The following BFSP2 variants were observed in gnomAD, a reference collection of about 807,000 sequenced individuals.
BFSP2 encodes beaded filament structural protein 2, also known as phakinin.
BFSP2 carries 38 observed loss-of-function variants against 44.9 expected under a neutral mutation model. The ratio of observed to expected loss-of-function variants is 0.85; its 90% CI spans 0.65 to 1.11. The LOEUF is 1.11. Among genes scored for constraint, BFSP2 ranks in the 50% least tolerant of loss-of-function variants. The pLI, the probability that BFSP2 is intolerant of heterozygous loss-of-function variation, is 0.00. For synonymous variants in BFSP2, 197 were observed against 209.9 expected (o/e 0.94, Z 0.53); for missense variants, 525 against 533.0 (o/e 0.99, Z 0.15).
At chr3:133,445,941 AGTCCTT>A (rs2073892508) in intron 1 of BFSP2, among the ~76,000 whole-genome samples, 1 of 152,186 alleles carries the variant, frequency 6.6e-6, no homozygotes, top group Admixed American at 6.5e-5. Context: ...AGCCAATATT[AGTCCTT>A]TGATACTTAA....
Position 133,470,905 on chromosome 3 carries a change from G to C in BFSP2, c.1024-1440G>C, listed in dbSNP as rs574525246. On this transcript the variant is annotated intron_variant, in intron 5 of 6. Coordinates refer to ENST00000302334, the MANE Select transcript of BFSP2 (RefSeq NM_003571.4). ...ATGGTAGCGGCAGAGGAGTTTCAAG[G>C]AAGGCTTCCTGGGGCAGGTTACCTC... Among the ~76,000 whole-genome samples, 41 of 152,324 alleles carry C rather than the reference G, an allele frequency of 2.7e-4. No individual in the cohort carries two copies. In the South Asian group the frequency reaches 8.5e-3, roughly 32 times the overall value.
chr3:133,416,754 C>T (rs2073535772), intron 1 of BFSP2, among the ~76,000 whole-genome samples: 1 of 142,680 alleles, frequency 7.0e-6, no homozygotes, highest in Non-Finnish European at 1.5e-5. Context: ...CCTCTACTCA[C>T]CCCTTTACTT....
chr3:133,453,823 A>T (rs1311096424), intron 4 of BFSP2, among the ~76,000 whole-genome samples: 1 of 152,178 alleles, frequency 6.6e-6, no homozygotes, highest in African/African-American at 2.4e-5. Flanking sequence ...AATTCTGTTT[A>T]TTTTTTCAGT....
intron 1 of BFSP2, among the ~76,000 whole-genome samples, chr3:133,439,147 C>T (rs1245566635): frequency 1.3e-5 from 2 of 152,210 alleles, no homozygotes; most frequent in African/African-American, 4.8e-5. Flanking sequence ...CTGACTGTGG[C>T]ATAAGTGTAG....
intron 1 of BFSP2, among the ~76,000 whole-genome samples, chr3:133,443,401 C>T (rs2073864221): frequency 6.6e-6 from 1 of 151,918 alleles, no homozygotes; most frequent in South Asian, 2.1e-4. Flanking sequence ...AAAACTTTAA[C>T]ATTTAGAGGT....
chr3:133,468,094 G>A (rs2074129213), intron 5 of BFSP2, among the ~76,000 whole-genome samples: 1 of 152,182 alleles, frequency 6.6e-6, no homozygotes, highest in Non-Finnish European at 1.5e-5. Flanking sequence ...CTGACTCTTA[G>A]CATTATTTTG....
chr3:133,416,842 T>C (rs1228540464), intron 1 of BFSP2, among the ~76,000 whole-genome samples: 1 of 120,516 alleles, frequency 8.3e-6, no homozygotes, highest in African/African-American at 3.2e-5. Context: ...TACTCAGCCC[T>C]GTTCTCTCCC....
chr3:133,425,858 G>GATAAA (rs1403323518), intron 1 of BFSP2, among the ~76,000 whole-genome samples: 15 of 96,282 alleles, frequency 1.6e-4, no homozygotes, highest in African/African-American at 9.9e-4. Context: ...GGAAAGGAAG[G>GATAAA]GAAGGGAAGG....
At chr3:133,430,471 C>T (rs1368919868) in intron 1 of BFSP2, among the ~76,000 whole-genome samples, 1 of 152,130 alleles carries the variant, frequency 6.6e-6, no homozygotes, top group Non-Finnish European at 1.5e-5. Context: ...GATGGTATCT[C>T]ATTGTGGTTT....
intron 5 of BFSP2, 25 bp downstream of exon 5, chr3:133,466,984 G>A (rs1163524763): frequency 6.2e-7 from 1 of 1,612,292 alleles, no homozygotes; most frequent in Non-Finnish European, 8.5e-7. Context: ...GAAAGACCTG[G>A]TGTCCTTGTG....
At position 133,400,800 on chromosome 3, in the gene BFSP2, A is replaced by C. The variant is rs187037950; in HGVS notation, c.489+228A>C. Among the ~76,000 whole-genome samples the C allele has an allele frequency of 4.6e-5, 7 of 152,376 alleles. No homozygotes were observed. In the East Asian group the frequency reaches 1.3e-3, roughly 29 times the overall value. Reference sequence around the variant, plus strand: ...ACCCACTGTCTTCTTTAAACTTCAAAGAAATGCTATGCAGTGGATCATTCA... The same window carrying C: ...ACCCACTGTCTTCTTTAAACTTCAACGAAATGCTATGCAGTGGATCATTCA... On this transcript the variant is annotated intron_variant, in intron 1 of 6. Transcript: ENST00000302334. The surrounding 1 kb of genome is among the most constrained non-coding windows in gnomAD (Gnocchi z 4.0).
rs538336152 is a variant in BFSP2, at chr3:133,441,865, GGGAAGCACTGCTCGCAGTAA to G, written c.490-5449_490-5430del. Among the ~76,000 whole-genome samples, 3 of 152,344 alleles carry G rather than the reference GGGAAGCACTGCTCGCAGTAA, an allele frequency of 2.0e-5. No individual in the cohort carries two copies. The East Asian group carries it at 5.8e-4, about 29-fold the overall frequency. ...ACAAAGCAGAAAGGGGCAGAGTAAA[GGGAAGCACTGCTCGCAGTAA>G]GGTGACCAGAATGAGGGAGCTATTC... On this transcript the variant is annotated intron_variant, in intron 1 of 6. Transcript: ENST00000302334.
At chr3:133,427,676 C>G (rs777903962) in intron 1 of BFSP2, among the ~76,000 whole-genome samples, 2 of 152,214 alleles carry the variant, frequency 1.3e-5, no homozygotes, top group Non-Finnish European at 2.9e-5. Context: ...CACATCCATC[C>G]TGGCAACAAC....
chr3:133,412,073 A>G (rs1204385901), intron 1 of BFSP2, among the ~76,000 whole-genome samples: 2 of 152,256 alleles, frequency 1.3e-5, no homozygotes, highest in Non-Finnish European at 2.9e-5. Context: ...GCATTCTTAT[A>G]ATTTGCCAGT....
intron 1 of BFSP2, among the ~76,000 whole-genome samples, chr3:133,408,243 G>A (rs1239815562): frequency 6.6e-6 from 1 of 152,136 alleles, no homozygotes; most frequent in Non-Finnish European, 1.5e-5. Context: ...ACAAAAAATA[G>A]ATGAAAATGG....
chr3:133,439,877 G>A (rs2073827087), intron 1 of BFSP2, among the ~76,000 whole-genome samples: 2 of 152,110 alleles, frequency 1.3e-5, no homozygotes, highest in Admixed American at 1.3e-4. Context: ...ATCTGAGTAA[G>A]TTCATTCCAG....
chr3:133,429,238 A>C (rs1019470911), intron 1 of BFSP2: 1 of 152,052 alleles, frequency 6.6e-6, no homozygotes, highest in African/African-American at 2.4e-5. Flanking sequence ...AAATTGTGTT[A>C]TACTGTGTAT....
intron 1 of BFSP2, among the ~76,000 whole-genome samples, chr3:133,423,871 C>T (rs2073617096): frequency 1.3e-5 from 2 of 152,222 alleles, no homozygotes. Flanking sequence ...CCACCTTGAT[C>T]CTGGGAAGCC....
intron 1 of BFSP2, among the ~76,000 whole-genome samples, chr3:133,440,315 G>A (rs2073832942): frequency 6.6e-6 from 1 of 152,160 alleles, no homozygotes; most frequent in African/African-American, 2.4e-5. Flanking sequence ...AGATTTGGGT[G>A]GGGATACAAC....
Sources: gnomAD v4.1 joint callset for allele counts (sites outside exome capture counted in the v4.1 genomes callset) on GRCh38, gnomAD v4.1.1 for gene constraint, Gnocchi (gnomAD v3.1) non-coding constraint, MANE v1.5 for transcripts, NCBI Gene and HGNC (gene_info 2026-07-23, HGNC 2026-07-21) for gene names.